The following CHFR variants were observed in gnomAD, a reference collection of about 807,000 sequenced individuals.
The protein encoded by CHFR is checkpoint with forkhead and ring finger domains.
In CHFR, 57 loss-of-function variants were observed where a neutral mutation model predicts 87.6. The observed-to-expected ratio is 0.65, with a 90% CI of 0.53 to 0.81. The LOEUF (loss-of-function observed/expected upper bound fraction) is 0.81. Ranked by LOEUF, CHFR falls within the 30% of genes least tolerant of loss-of-function variation. The pLI, the probability that CHFR is intolerant of heterozygous loss-of-function variation, is 0.00. For missense variants in CHFR, 797 were observed against 865.8 expected (o/e 0.92, Z 1.00); for synonymous variants, 381 against 359.2 (o/e 1.06, Z -0.69).
rs1390298999 is a variant in CHFR at position 132,834,949 on chromosome 12, C to A, written c.*6605G>T. ...AGCCAGGATGGTCTCGATCTCCTGA[C>A]CTCGTGATCCGCCCGCCTCAGCCTC... On this transcript the variant is annotated 3_prime_UTR_variant, in exon 18 of 18. Coordinates refer to ENST00000450056, the MANE Select transcript of CHFR (RefSeq NM_001161346.2). 2.0e-5 allele frequency: 3 copies of A among 151,668 alleles called. No individual in the cohort carries two copies. Among genetic ancestry groups the A allele is most frequent in the East Asian group, 1.9e-4 (1 of 5,150 alleles). 9.4% of individuals were successfully genotyped at this position (151,668 alleles called of 1,614,324 possible).
chr12:132,858,526 A>G (rs1951135885), intron 8 of CHFR, among the ~76,000 whole-genome samples: 1 of 151,918 alleles, frequency 6.6e-6, no homozygotes, highest in Non-Finnish European at 1.5e-5. Context: ...GGAGTTCAAG[A>G]CTAGCCTGGC....
intron 6 of CHFR, among the ~76,000 whole-genome samples, chr12:132,865,018 TG>T (rs1951302873): frequency 6.6e-6 from 1 of 152,234 alleles, no homozygotes; most frequent in South Asian, 2.1e-4. Context: ...AAAATGCACA[TG>T]GGACTTGGCC....
At position 132,833,489 on chromosome 12, in the gene CHFR, A is replaced by G. The variant is rs1950628737; in HGVS notation, c.*8065T>C. ...CGCTGCTATTTCAGGCCGATGGTTG[A>G]GGGAGGACTTCTCAGGAGAATGTGA... On this transcript the variant is annotated 3_prime_UTR_variant, in exon 18 of 18. Transcript: ENST00000450056. The G allele has an allele frequency of 6.6e-6, 1 of 152,256 alleles. No individual in the cohort carries two copies. The highest frequency in any genetic ancestry group is 2.1e-4 in the South Asian group (1 of 4,834). 9.4% of individuals were successfully genotyped at this position (152,256 alleles called of 1,614,324 possible). A position where few individuals can be genotyped will look rare whatever the true frequency, so the allele number is the denominator to read the frequency against.
At chr12:132,843,961 A>T in intron 16 of CHFR, 66 bp downstream of exon 16, 1 of 943,006 alleles carries the variant, frequency 1.1e-6, no homozygotes, top group Non-Finnish European at 1.7e-6. Flanking sequence ...AAAAAAAAAG[A>T]GAGGCAGAAG....
intron 3 of CHFR, among the ~76,000 whole-genome samples, chr12:132,872,738 G>A (rs1951520338): frequency 6.6e-6 from 1 of 152,182 alleles, no homozygotes; most frequent in South Asian, 2.1e-4. Context: ...CCCCTGAGCT[G>A]GACTTGTGCT....
chr12:132,840,123 C>G lies in CHFR; in HGVS notation c.*1431G>C, dbSNP rs1950684334. 6.5e-6 allele frequency: 1 copy of G among 153,596 alleles called. No homozygotes were observed. Among genetic ancestry groups the G allele is most frequent in the South Asian group, 1.9e-4 (1 of 5,292 alleles). 9.5% of individuals were successfully genotyped at this position (153,596 alleles called of 1,614,324 possible). A position where few individuals can be genotyped will look rare whatever the true frequency, so the allele number is the denominator to read the frequency against. Reference sequence around the variant, plus strand: ...CAGGGTCTCTGCATTGTGGCTTCTTCTGGTGCTCAGCTGAAGACAAAGCCT... The same window carrying G: ...CAGGGTCTCTGCATTGTGGCTTCTTGTGGTGCTCAGCTGAAGACAAAGCCT... On this transcript the variant is annotated 3_prime_UTR_variant, in exon 18 of 18. Coordinates refer to ENST00000450056, the MANE Select transcript of CHFR (RefSeq NM_001161346.2).
intron 2 of CHFR, among the ~76,000 whole-genome samples, chr12:132,885,339 AG>A (rs1322687072): frequency 6.6e-6 from 1 of 151,378 alleles, no homozygotes; most frequent in Non-Finnish European, 1.5e-5. Flanking sequence ...AGAACCCGGG[AG>A]GTGGAGCTTG....
intron 3 of CHFR, among the ~76,000 whole-genome samples, chr12:132,876,083 G>A (rs1222029875): frequency 6.6e-6 from 1 of 151,976 alleles, no homozygotes; most frequent in Admixed American, 6.6e-5. Context: ...GGCTGGGGCA[G>A]GAGAATGGCT....
chr12:132,876,939 C>T (rs987047497), intron 3 of CHFR, among the ~76,000 whole-genome samples: 6 of 152,008 alleles, frequency 3.9e-5, no homozygotes, highest in African/African-American at 7.3e-5. Context: ...GGATTACAGG[C>T]GCATGCCACA....
chr12:132,861,066 T>C (rs1951199268), intron 7 of CHFR, among the ~76,000 whole-genome samples: 1 of 152,176 alleles, frequency 6.6e-6, no homozygotes, highest in Non-Finnish European at 1.5e-5. Context: ...TTTTTATTTT[T>C]AGAGATAAAG....
chr12:132,842,334 G>A (rs1414149037), intron 17 of CHFR, among the ~76,000 whole-genome samples: 1 of 152,192 alleles, frequency 6.6e-6, no homozygotes, highest in Non-Finnish European at 1.5e-5. Flanking sequence ...AGTCAACAGT[G>A]AAATCTCTTT....
chr12:132,843,028 C>A lies in CHFR; in HGVS notation c.1899G>T (p.Val633=), dbSNP rs1449229353. ...GCACTCACATGGCGTGGTGAGCTTTCACCTGAGTGCGGCAGTTACGGCCCC... is the reference window on the plus strand; with the variant it reads ...GCACTCACATGGCGTGGTGAGCTTTAACCTGAGTGCGGCAGTTACGGCCCC... ...CYWGRNCRTQ[V]KAHHAMKFNH... The change falls in exon 17 of 18, where the codon GTG becomes GTT. Residue 633 remains valine, a synonymous_variant. Coordinates refer to ENST00000450056, the MANE Select transcript of CHFR (RefSeq NM_001161346.2). 1 of 1,612,832 alleles carries A rather than the reference C, an allele frequency of 6.2e-7. No individual in the cohort carries two copies. Among genetic ancestry groups the A allele is most frequent in the Admixed American group, 1.7e-5 (1 of 59,868 alleles).
At chr12:132,844,842 A>C (rs1181261768) in intron 15 of CHFR, among the ~76,000 whole-genome samples, 1 of 150,774 alleles carries the variant, frequency 6.6e-6, no homozygotes, top group Non-Finnish European at 1.5e-5. Flanking sequence ...CATGTTGGCC[A>C]GGCTGGTCTC....
intron 3 of CHFR, among the ~76,000 whole-genome samples, chr12:132,876,819 G>A (rs1464860217): frequency 6.6e-6 from 1 of 152,166 alleles, no homozygotes; most frequent in African/African-American, 2.4e-5. Context: ...GTTTTGAGAT[G>A]GAGTTTCACT....
At chr12:132,873,467 C>G (rs777311364) in intron 3 of CHFR, among the ~76,000 whole-genome samples, 1 of 152,206 alleles carries the variant, frequency 6.6e-6, no homozygotes, top group African/African-American at 2.4e-5. Context: ...CACTTATACA[C>G]GGGTTTTTTT....
rs1285340068 is a variant in CHFR, at chr12:132,872,333, T to A, written c.295A>T (p.Thr99Ser). The A allele has an allele frequency of 6.2e-7, 1 of 1,613,590 alleles. No individual in the cohort carries two copies. Among genetic ancestry groups the A allele is most frequent in the Non-Finnish European group, 8.5e-7 (1 of 1,179,564 alleles). Residue 99 changes from threonine to serine, a missense_variant, in exon 4 of 18, where the codon ACT (threonine) becomes TCT (serine). Thr to Ser is a moderately conservative substitution (Grantham distance 58). Transcript: ENST00000450056. The stretch of plus-strand genomic sequence containing the variant: ...TACACCAAGTAGATGACATCCCCAG[T>A]CTGTAAAGGGCATGTCTGCTTCTTA... The part of the protein sequence containing the change: ...VVKKQTCPLQ[T>S]GDVIYLVYRK...
Position 132,857,580 on chromosome 12 carries a change from G to A in CHFR, c.912-21C>T, listed in dbSNP as rs772507556. ...GCAAACTGAAAGTGCAAGAGGAACA[G>A]TGTCCAGACAGTCCCACAGATGCAA... On this transcript the variant is annotated intron_variant, in intron 8 of 17. Coordinates refer to ENST00000450056, the MANE Select transcript of CHFR (RefSeq NM_001161346.2). The A allele has an allele frequency of 7.1e-5, 114 of 1,611,208 alleles. 2 individuals are homozygous for A. The Middle Eastern group carries it at 2.8e-3, about 40-fold the overall frequency.
At chr12:132,874,249 C>T (rs1479524997) in intron 3 of CHFR, among the ~76,000 whole-genome samples, 1 of 152,396 alleles carries the variant, frequency 6.6e-6, no homozygotes, top group Admixed American at 6.5e-5. Flanking sequence ...GAAAGTACCA[C>T]CACCATGCAG....
intron 6 of CHFR, among the ~76,000 whole-genome samples, chr12:132,863,001 A>G (rs1951250747): frequency 1.3e-5 from 2 of 150,200 alleles, no homozygotes; most frequent in South Asian, 4.2e-4. Context: ...GGTTCACGCC[A>G]TTCTCCTGCC....
Sources: allele counts gnomAD v4.1 joint callset (sites outside exome capture counted in the v4.1 genomes callset), GRCh38; gene constraint gnomAD v4.1.1; transcripts MANE v1.5; gene names NCBI Gene and HGNC (gene_info 2026-07-23, HGNC 2026-07-21).